Variants in FBXL17 observed in about 807,000 individuals in gnomAD.
The protein encoded by FBXL17 is F-box/LRR-repeat protein 17.
Under a neutral mutation model 66.2 loss-of-function variants are expected in FBXL17, and 22 were observed. The observed-to-expected ratio is 0.33, with a 90% CI of 0.24 to 0.47. The LOEUF (loss-of-function observed/expected upper bound fraction) is 0.47. FBXL17 is among the 20% of genes least tolerant of loss of function. The pLI is 1.00. For synonymous variants in FBXL17, 474 were observed against 400.5 expected, an observed-to-expected ratio of 1.18 and a Z score of -2.19; for missense variants, 878 against 948.2, an observed-to-expected ratio of 0.93 and a Z score of 0.97.
intron 4 of FBXL17, among the ~76,000 whole-genome samples, chr5:108,228,508 GA>G (rs1755193209): frequency 6.6e-6 from 1 of 152,082 alleles, no homozygotes; most frequent in Admixed American, 6.5e-5. Context: ...ATAATATGGA[GA>G]AAATTACAGT....
chr5:108,302,743 T>C lies in FBXL17; in HGVS notation c.1506+45656A>G, dbSNP rs372426683. Among the ~76,000 whole-genome samples the C allele has an allele frequency of 7.9e-5, 12 of 151,956 alleles. No individual in the cohort carries two copies. The East Asian group carries it at 1.5e-3, about 20-fold the overall frequency. Reference sequence around the variant, plus strand: ...TCCTTTATGTATACACTAATAGTTTTTCAATAATGTAATCTATGAAATTTA... The same window carrying C: ...TCCTTTATGTATACACTAATAGTTTCTCAATAATGTAATCTATGAAATTTA... On this transcript the variant is annotated intron_variant, in intron 4 of 8. Coordinates refer to ENST00000542267, the MANE Select transcript of FBXL17 (RefSeq NM_001163315.3).
intron 4 of FBXL17, among the ~76,000 whole-genome samples, chr5:108,242,757 AT>A (rs1364432273): frequency 6.6e-6 from 1 of 152,184 alleles, no homozygotes; most frequent in Admixed American, 6.5e-5. Flanking sequence ...ACATTTAAGT[AT>A]TTTAATATAT....
At chr5:108,127,657 TA>T (rs1750775304) in intron 6 of FBXL17, among the ~76,000 whole-genome samples, 1 of 152,148 alleles carries the variant, frequency 6.6e-6, no homozygotes, top group Non-Finnish European at 1.5e-5. Context: ...AAAAAATCTT[TA>T]ATAGATTTTT....
chr5:107,962,350 G>A (rs1188686207), intron 7 of FBXL17, among the ~76,000 whole-genome samples: 1 of 152,056 alleles, frequency 6.6e-6, no homozygotes, highest in Non-Finnish European at 1.5e-5. Flanking sequence ...AGCAATCTAT[G>A]CTTTCACTGT....
At chr5:108,240,800 A>G (rs1272995576) in intron 4 of FBXL17, among the ~76,000 whole-genome samples, 6 of 152,160 alleles carry the variant, frequency 3.9e-5, no homozygotes, top group Non-Finnish European at 7.4e-5. Context: ...CACAGTCCCA[A>G]TGGTGGTGGT....
At chr5:108,058,652 T>C (rs977657707) in intron 6 of FBXL17, among the ~76,000 whole-genome samples, 3 of 152,102 alleles carry the variant, frequency 2.0e-5, no homozygotes, top group Non-Finnish European at 4.4e-5. Flanking sequence ...ACCCGGCTAA[T>C]TTTTTGTATT....
chr5:108,274,610 T>G (rs1360362652), intron 4 of FBXL17, among the ~76,000 whole-genome samples: 2 of 152,220 alleles, frequency 1.3e-5, no homozygotes, highest in African/African-American at 4.8e-5. Flanking sequence ...ATTAAGAGAT[T>G]AAAGACAGGC....
chr5:108,066,303 T>A (rs1377924831), intron 6 of FBXL17, among the ~76,000 whole-genome samples: 1 of 152,158 alleles, frequency 6.6e-6, no homozygotes, highest in South Asian at 2.1e-4. Flanking sequence ...ATACAACAAC[T>A]ATTAATATTC....
At chr5:108,126,780 A>G (rs185294430) in intron 6 of FBXL17, among the ~76,000 whole-genome samples, 321 of 151,496 alleles carry the variant, frequency 2.1e-3, no homozygotes, top group Non-Finnish European at 3.7e-3. Flanking sequence ...TCACAGCACA[A>G]TATTTTTGAT....
intron 2 of FBXL17, among the ~76,000 whole-genome samples, 199 bp downstream of exon 2, chr5:108,367,632 T>G (rs1290918389): frequency 6.6e-6 from 1 of 152,074 alleles, no homozygotes; most frequent in African/African-American, 2.4e-5. Context: ...CCAATCTACA[T>G]GAAAAACTAT....
At chr5:107,972,500 TTAA>T (rs1180926955) in intron 7 of FBXL17, among the ~76,000 whole-genome samples, 4 of 152,210 alleles carry the variant, frequency 2.6e-5, no homozygotes, top group Non-Finnish European at 5.9e-5. Flanking sequence ...TTAGACAGGC[TTAA>T]TAATATTTTA....
intron 6 of FBXL17, among the ~76,000 whole-genome samples, chr5:108,043,652 A>C (rs1445856469): frequency 1.3e-5 from 2 of 152,192 alleles, no homozygotes; most frequent in African/African-American, 4.8e-5. Context: ...CCTGAAATTG[A>C]GTAAATGTAT....
At chr5:107,865,892 A>G (rs1047187643) in intron 8 of FBXL17, among the ~76,000 whole-genome samples, 4 of 152,174 alleles carry the variant, frequency 2.6e-5, no homozygotes, top group Admixed American at 1.3e-4. Context: ...TATGGACTCC[A>G]TAAGTGCTTT....
At chr5:108,151,807 G>A (rs141090309) in intron 6 of FBXL17, among the ~76,000 whole-genome samples, 10 of 152,242 alleles carry the variant, frequency 6.6e-5, no homozygotes, top group Non-Finnish European at 1.2e-4. Flanking sequence ...AGGGATGATC[G>A]ACACGCATTA....
At chr5:108,329,472 T>C (rs1760016173) in intron 4 of FBXL17, among the ~76,000 whole-genome samples, 3 of 152,140 alleles carry the variant, frequency 2.0e-5, no homozygotes, top group Admixed American at 6.5e-5. Context: ...GGAGGACTCA[T>C]AGGATACAGT....
At position 108,186,364 on chromosome 5, in the gene FBXL17, G is replaced by C. The variant is rs1296807116; in HGVS notation, c.1615-117C>G. 6 of 744,318 alleles carry C rather than the reference G, an allele frequency of 8.1e-6. No individual in the cohort carries two copies. The East Asian group carries it at 1.7e-4, about 21-fold the overall frequency. 46.1% of individuals were successfully genotyped at this position (744,318 alleles called of 1,614,324 possible). A position where few individuals can be genotyped will look rare whatever the true frequency, so the allele number is the denominator to read the frequency against. On this transcript the variant is annotated intron_variant, in intron 5 of 8. Transcript: ENST00000542267. ...CACTGTAAAATATTTAAAACAGATA[G>C]GCTAGAATCTTTTAATTAAAGATAT...
intron 4 of FBXL17, among the ~76,000 whole-genome samples, chr5:108,241,723 T>C (rs1202231651): frequency 4.6e-5 from 7 of 151,666 alleles, no homozygotes; most frequent in Admixed American, 4.6e-4. Flanking sequence ...TTCACAATGG[T>C]CAAAGATAAA....
intron 5 of FBXL17, among the ~76,000 whole-genome samples, chr5:108,210,797 G>A (rs181859919): frequency 1.3e-5 from 2 of 152,166 alleles, no homozygotes; most frequent in Admixed American, 1.3e-4. Context: ...GTTGATTTGG[G>A]GTGGAGAGTT....
At chr5:108,032,735 CT>C (rs1353850611) in intron 6 of FBXL17, among the ~76,000 whole-genome samples, 1 of 152,162 alleles carries the variant, frequency 6.6e-6, no homozygotes, top group Non-Finnish European at 1.5e-5. Context: ...TTTTGGACTT[CT>C]GTCCTTCACT....
Sources: gnomAD v4.1 joint callset for allele counts (sites outside exome capture counted in the v4.1 genomes callset) on GRCh38, gnomAD v4.1.1 for gene constraint, MANE v1.5 for transcripts, NCBI Gene and HGNC (gene_info 2026-07-23, HGNC 2026-07-21) for gene names.